Variants in NOS3 observed in about 807,000 individuals in gnomAD.
The protein encoded by NOS3 is NOS type III.
In NOS3, 98 loss-of-function variants were observed where a neutral mutation model predicts 144.9. The observed-to-expected ratio is 0.68, with a 90% CI of 0.57 to 0.80. The LOEUF (loss-of-function observed/expected upper bound fraction) is 0.80, where lower values mean the gene tolerates loss of function less well. NOS3 is among the 30% of genes least tolerant of loss of function. NOS3 has a pLI of 0.00. For missense variants in NOS3, 1,465 were observed against 1,656.4 expected, an observed-to-expected ratio of 0.88 and a Z score of 2.01; for synonymous variants, 714 against 702.4, an observed-to-expected ratio of 1.02 and a Z score of -0.26.
At chr7:151,008,356 G>T (rs3918195) in intron 17 of NOS3, among the ~76,000 whole-genome samples, 10 of 152,192 alleles carry the variant, frequency 6.6e-5, no homozygotes, top group African/African-American at 2.4e-4. Flanking sequence ...CCTGGGACTG[G>T]CCCAGCAGTT....
intron 23 of NOS3, 51 bp from the exon 24 acceptor site, chr7:151,012,300 T>C: frequency 6.9e-7 from 1 of 1,450,490 alleles, no homozygotes. Context: ...ATGGTGAGAA[T>C]GGTGGAGCAG....
intron 1 of NOS3, among the ~76,000 whole-genome samples, chr7:150,991,800 A>T (rs2117091750): frequency 6.6e-6 from 1 of 152,298 alleles, no homozygotes; most frequent in African/African-American, 2.4e-5. Context: ...GTTCGAGACC[A>T]GCCTGGTCAA....
At chr7:151,000,829 G>C (rs1795073094) in intron 10 of NOS3, among the ~76,000 whole-genome samples, 1 of 152,160 alleles carries the variant, frequency 6.6e-6, no homozygotes, top group South Asian at 2.1e-4. Flanking sequence ...GGACCTTGCT[G>C]TTTACTGCAT....
At chr7:150,994,813 A>G (rs1802333305) in intron 2 of NOS3, among the ~76,000 whole-genome samples, 1 of 152,114 alleles carries the variant, frequency 6.6e-6, no homozygotes, top group Non-Finnish European at 1.5e-5. Context: ...GTGAGTGCGG[A>G]GGGAAATCAG....
rs1487258886 is a variant in NOS3 at position 151,003,843 on chromosome 7, C to A, written c.1752+1539C>A. 7 of 411,842 alleles carry A rather than the reference C, an allele frequency of 1.7e-5. No homozygotes were observed. Among genetic ancestry groups the A allele is most frequent in the South Asian group, 1.1e-4 (6 of 56,134 alleles). 25.5% of individuals were successfully genotyped at this position (411,842 alleles called of 1,614,324 possible). A position where few individuals can be genotyped will look rare whatever the true frequency, so the allele number is the denominator to read the frequency against. On this transcript the variant is annotated intron_variant, in intron 14 of 26. Transcript: ENST00000297494. The surrounding 1 kb of genome is among the most constrained non-coding windows in gnomAD (Gnocchi z 4.1). ...TGAGTGCCGTTCATTGTGTGAATAT[C>A]CCCAGTTTGTTTACCCATTCTCTTG...
chr7:150,996,639 C>T, intron 4 of NOS3, 87 bp downstream of exon 4: 1 of 1,503,148 alleles, frequency 6.7e-7, no homozygotes, highest in Non-Finnish European at 9.0e-7. Context: ...CCCCTCCCTT[C>T]CCAGATCCTA....
In NOS3 at chr7:150,993,744, C is replaced by T. The variant is rs1008295323; in HGVS notation, c.-51-9C>T. The T allele has an allele frequency of 1.2e-5, 19 of 1,538,822 alleles. No homozygotes were observed. The highest frequency in any genetic ancestry group is 1.7e-5 in the Non-Finnish European group (19 of 1,144,824). On this transcript the variant is annotated splice_polypyrimidine_tract_variant and intron_variant, in intron 1 of 26. Transcript: ENST00000297494. The surrounding 1 kb of genome is among the most constrained non-coding windows in gnomAD (Gnocchi z 4.0). ...GCCCCCTCCTCTCGGTCCCCTCCCT[C>T]TTCCTAAGGAAAAGGCCAGGGCTCT...
intron 25 of NOS3, 100 bp downstream of exon 25, chr7:151,013,479 C>A: frequency 7.0e-7 from 1 of 1,420,192 alleles, no homozygotes; most frequent in Non-Finnish European, 9.5e-7. Context: ...CTCCCGTGGC[C>A]TCCCACGACC....
chr7:151,002,211 G>T lies in NOS3; in HGVS notation c.1659G>T (p.Met553Ile). 2 of 1,594,444 alleles carry T rather than the reference G, an allele frequency of 1.3e-6. No homozygotes were observed. The highest frequency in any genetic ancestry group is 1.7e-6 in the Non-Finnish European group (2 of 1,169,596). ...RKAFDPRVLCMDEYDVVSLEH... is the reference protein window; with the variant it reads ...RKAFDPRVLCIDEYDVVSLEH... ...CTTCCCACCCACAGGTCCTGTGTATGGATGAGTATGACGTGGTGTCCCTCG... is the reference window on the plus strand; with the variant it reads ...CTTCCCACCCACAGGTCCTGTGTATTGATGAGTATGACGTGGTGTCCCTCG... The change falls in exon 14 of 27, where the codon ATG (methionine) becomes ATT (isoleucine). Residue 553 changes from methionine (M) to isoleucine (I), a missense_variant. Physicochemically the swap from Met to Ile is conservative, Grantham distance 10 (BLOSUM62 1). This residue lies in a region of NOS3 where 745 missense variants were observed against 853.9 expected (regional missense o/e 0.87). Transcript: ENST00000297494. This position sits in a 1 kb window ranked among gnomAD's most constrained non-coding sequence, Gnocchi z 4.1.
In NOS3 at chr7:150,995,292, C is replaced by T. The variant is rs757953790; in HGVS notation, c.248C>T (p.Thr83Ile). 4 of 1,610,880 alleles carry T rather than the reference C, an allele frequency of 2.5e-6. No homozygotes were observed. In the South Asian group the frequency reaches 3.3e-5, roughly 13 times the overall value. ...GAGGTGGGGAGCATCACCTATGACA[C>T]CCTCAGCGCCCAGGCGCAGCAGGTA... ...NWEVGSITYD[T>I]LSAQAQQDGP... Residue 83 changes from threonine to isoleucine, a missense_variant, in exon 3 of 27, where the codon ACC (threonine) becomes ATC (isoleucine). This residue lies in a region of NOS3 where 374 missense variants were observed against 377.0 expected (regional missense o/e 0.99). Coordinates refer to ENST00000297494, the MANE Select transcript of NOS3 (RefSeq NM_000603.5).
intron 4 of NOS3, 72 bp downstream of exon 4, chr7:150,996,624 A>G (rs933027494): frequency 2.6e-6 from 4 of 1,516,920 alleles, no homozygotes; most frequent in African/African-American, 2.7e-5. Flanking sequence ...CGACCTTCCC[A>G]TGACCCCCTC....
Position 151,010,098 on chromosome 7 carries a change from CTG to C in NOS3, c.2513-14_2513-13del, listed in dbSNP as rs762533004. ...TGCTGGGCCCTGTCCTCAGAGCTCC[CTG>C]TGCACTATCCCCAGGTGGCCCTCCC... is the stretch of plus-strand genomic sequence containing the variant. On this transcript the variant is annotated splice_polypyrimidine_tract_variant and intron_variant, in intron 20 of 26. Coordinates refer to ENST00000297494, the MANE Select transcript of NOS3 (RefSeq NM_000603.5). 2 of 1,557,184 alleles carry C rather than the reference CTG, an allele frequency of 1.3e-6. No individual in the cohort carries two copies. Among genetic ancestry groups the C allele is most frequent in the African/African-American group, 2.7e-5 (2 of 73,888 alleles).
At chr7:151,008,844 C>G in intron 17 of NOS3, 86 bp from the exon 18 acceptor site, 1 of 1,438,196 alleles carries the variant, frequency 7.0e-7, no homozygotes, top group Non-Finnish European at 9.2e-7. Flanking sequence ...CCCCCAGGAG[C>G]AAGACGCAGT....
chr7:151,003,507 C>T lies in NOS3; in HGVS notation c.1752+1203C>T. Reference sequence around the variant, plus strand: ...CGTTTCAGCCCTCATTCTGACCTACCTTTTCAAGAAAAATAGCACCAGCAA... The same window carrying T: ...CGTTTCAGCCCTCATTCTGACCTACTTTTTCAAGAAAAATAGCACCAGCAA... On this transcript the variant is annotated intron_variant, in intron 14 of 26. Transcript: ENST00000297494. The surrounding 1 kb of genome is among the most constrained non-coding windows in gnomAD (Gnocchi z 4.1). The T allele has an allele frequency of 8.0e-7, 1 of 1,254,122 alleles. No homozygotes were observed. The highest frequency in any genetic ancestry group is 2.7e-5 in the Admixed American group (1 of 37,636). 77.7% of individuals were successfully genotyped at this position (1,254,122 alleles called of 1,614,324 possible).
intron 15 of NOS3, 57 bp downstream of exon 15, chr7:151,006,551 A>C: frequency 7.1e-7 from 1 of 1,400,758 alleles, no homozygotes. Context: ...GGAGACACAA[A>C]CAGAAAGGGG....
At chr7:151,006,805 T>C in intron 15 of NOS3, 84 bp from the exon 16 acceptor site, 1 of 1,112,016 alleles carries the variant, frequency 9.0e-7, no homozygotes, top group Non-Finnish European at 1.4e-6. Context: ...GCAGAGACCC[T>C]GAAGCCGTCC....
Position 151,002,298 on chromosome 7 carries a change from T to G in NOS3, c.1746T>G (p.Asn582Lys). Residue 582 changes from asparagine (N) to lysine (K), a missense_variant, in exon 14 of 27, where the codon AAT becomes AAG. By Grantham distance (94) the Asn-to-Lys change is moderately conservative. This residue lies in a region of NOS3 where 745 missense variants were observed against 853.9 expected (regional missense o/e 0.87). Coordinates refer to ENST00000297494, the MANE Select transcript of NOS3 (RefSeq NM_000603.5). This position sits in a 1 kb window ranked among gnomAD's most constrained non-coding sequence, Gnocchi z 4.1. Reference sequence around the variant, plus strand: ...TTGGGAATGGGGATCCCCCGGAGAATGGAGAGGTGAGAACTTCCAGGAAAG... The same window carrying G: ...TTGGGAATGGGGATCCCCCGGAGAAGGGAGAGGTGAGAACTTCCAGGAAAG... ...STFGNGDPPENGESFAAALME... is the reference protein window; with the variant it reads ...STFGNGDPPEKGESFAAALME... The G allele has an allele frequency of 6.3e-7, 1 of 1,577,354 alleles. No homozygotes were observed.
rs890371955 is a variant in NOS3 at position 151,003,769 on chromosome 7, A to G, written c.1752+1465A>G. 1 of 468,100 alleles carries G rather than the reference A, an allele frequency of 2.1e-6. No individual in the cohort carries two copies. Among genetic ancestry groups the G allele is most frequent in the Non-Finnish European group, 4.4e-6 (1 of 226,584 alleles). 29.0% of individuals were successfully genotyped at this position (468,100 alleles called of 1,614,324 possible). ...GCGTCTCCTGCTGAGGCTGTTTTTG[A>G]GGCGCACTCGTGTTGCTGCGTGACT... On this transcript the variant is annotated intron_variant, in intron 14 of 26. Coordinates refer to ENST00000297494, the MANE Select transcript of NOS3 (RefSeq NM_000603.5). The surrounding 1 kb of genome is among the most constrained non-coding windows in gnomAD (Gnocchi z 4.1).
intron 2 of NOS3, among the ~76,000 whole-genome samples, chr7:150,994,952 G>A (rs533403978): frequency 6.6e-6 from 1 of 152,294 alleles, no homozygotes; most frequent in East Asian, 1.9e-4. Context: ...GGGCGCTGCA[G>A]GTGGGATGCG....
Sources: allele counts gnomAD v4.1 joint callset (sites outside exome capture counted in the v4.1 genomes callset), GRCh38; gene constraint gnomAD v4.1.1; regional missense constraint gnomAD v4.1.1; non-coding constraint Gnocchi (gnomAD v3.1); transcripts MANE v1.5; gene names NCBI Gene and HGNC (gene_info 2026-07-23, HGNC 2026-07-21).